The following ZNF677 variants were observed in gnomAD, a reference collection of about 807,000 sequenced individuals.
ZNF677 encodes the protein hypothetical protein MGC48625.
A neutral mutation model predicts 8.1 loss-of-function variants in ZNF677; 5 were observed. That is an observed-to-expected ratio of 0.62 (90% CI 0.32 to 1.29). ZNF677 has a LOEUF of 1.29. ZNF677 is among the 50% of genes most tolerant of loss of function. ZNF677 has a pLI of 0.05. For missense variants in ZNF677, 685 were observed against 685.9 expected (o/e 1.00, Z 0.01); for synonymous variants, 221 against 225.6 (o/e 0.98, Z 0.18).
At position 53,253,785 on chromosome 19, in the gene ZNF677, T is replaced by A. The variant is rs929098764; in HGVS notation, c.-126-629A>T. Reference sequence around the variant, plus strand: ...GAGAAAATACTTTGAAAATTTTTTTTAAATCCAATAAATTATGGAATTACA... The same window carrying A: ...GAGAAAATACTTTGAAAATTTTTTTAAAATCCAATAAATTATGGAATTACA... On this transcript the variant is annotated intron_variant, in intron 1 of 4. Transcript: ENST00000598513. 9.2e-5 allele frequency among the ~76,000 whole-genome samples: 14 copies of A among 152,230 alleles called. No individual in the cohort carries two copies. In the East Asian group the frequency reaches 1.9e-3, roughly 21 times the overall value.
Position 53,238,392 on chromosome 19 carries a change from T to C in ZNF677, c.335A>G (p.Tyr112Cys), listed in dbSNP as rs1218972084. The C allele has an allele frequency of 1.9e-6, 3 of 1,613,908 alleles. No individual in the cohort carries two copies. The highest frequency in any genetic ancestry group is 1.1e-5 in the South Asian group (1 of 91,016). The change falls in exon 5 of 5, where the codon TAT becomes TGT. Residue 112 changes from tyrosine to cysteine, a missense_variant. Tyr to Cys is a radical substitution (Grantham distance 194, BLOSUM62 -2). Transcript: ENST00000598513. ...NMPKFDSLWD[Y>C]DVKNYKGMPL... is the part of the protein sequence containing the mutation. ...CATTCCTTTGTAATTTTTTACATCA[T>C]AGTCCCACAGGCTGTCAAACTTAGG...
intron 3 of ZNF677, among the ~76,000 whole-genome samples, chr19:53,247,285 A>G (rs1043677497): frequency 6.6e-6 from 1 of 152,164 alleles, no homozygotes; most frequent in Non-Finnish European, 1.5e-5. Context: ...AGTTTACAGC[A>G]GCAGTGTCCA....
In ZNF677 at chr19:53,237,417, C is replaced by G. The variant is rs2090983371; in HGVS notation, c.1310G>C (p.Gly437Ala). ...ACTTGAACTTTGGATAAAAGCCCTG[C>G]CACACACATTACATTTGTGTGGTTT... ...GEKPHKCNVC[G>A]RAFIQSSSLV... The change falls in exon 5 of 5, where the codon GGC (glycine) becomes GCC (alanine). Residue 437 changes from glycine to alanine, a missense_variant. Transcript: ENST00000598513. 6.2e-7 allele frequency: 1 copy of G among 1,613,886 alleles called. No homozygotes were observed. Among genetic ancestry groups the G allele is most frequent in the African/African-American group, 1.3e-5 (1 of 74,886 alleles).
intron 3 of ZNF677, among the ~76,000 whole-genome samples, chr19:53,245,869 A>G (rs11084228): frequency 0.38 from 57,173 of 151,702 alleles, 11,931 homozygotes; most frequent in East Asian, 0.75. Context: ...AAAATTAGCC[A>G]GACGTGGTGG....
intron 4 of ZNF677, chr19:53,242,081 G>C: frequency 2.5e-6 from 1 of 394,248 alleles, no homozygotes. Flanking sequence ...ACAGGCATGC[G>C]CCAACACACC....
intron 1 of ZNF677, 180 bp downstream of exon 1, chr19:53,254,654 G>C (rs2091287156): frequency 6.6e-6 from 1 of 152,354 alleles, no homozygotes; most frequent in South Asian, 2.1e-4. Context: ...AATCCGAAAT[G>C]GACGCAGATC....
intron 4 of ZNF677, chr19:53,242,757 C>T (rs1286606711): frequency 3.9e-5 from 8 of 206,332 alleles, no homozygotes; most frequent in Non-Finnish European, 6.7e-5. Context: ...ACAAAGGCCC[C>T]AGCTCTGATC....
chr19:53,248,290 T>C (rs1434974473), intron 3 of ZNF677, among the ~76,000 whole-genome samples: 1 of 152,232 alleles, frequency 6.6e-6, no homozygotes, highest in Admixed American at 6.5e-5. Flanking sequence ...ATGCATTTTA[T>C]AGCCAGTAAC....
At chr19:53,247,447 T>G (rs2091164003) in intron 3 of ZNF677, among the ~76,000 whole-genome samples, 1 of 152,166 alleles carries the variant, frequency 6.6e-6, no homozygotes, top group Admixed American at 6.5e-5. Flanking sequence ...ATTTGTGTTG[T>G]GTCACATTCA....
rs200163538 is a variant in ZNF677, at chr19:53,236,966, C to T, written c.*6G>A. On this transcript the variant is annotated 3_prime_UTR_variant, in exon 5 of 5. Transcript: ENST00000598513. ...ATGGTTTCTTTTCACAATGGAGCCC[C>T]TGATGCTAGGTACAGCTTGAATACT... 1,153 of 1,529,758 alleles carry T rather than the reference C, an allele frequency of 7.5e-4. 10 individuals carry two copies. In the African/African-American group the frequency reaches 0.014, roughly 19 times the overall value. The allele number at this position is 1,529,758 out of a possible 1,614,324, so 94.8% of individuals were successfully genotyped here.
Position 53,237,776 on chromosome 19 carries a change from T to G in ZNF677, c.951A>C (p.Lys317Asn). ...TRHQRVHTGE[K>N]PYQCNICGKV... ...TGCCACATATATTACATTGATATGGTTTCTCTCCTGTATGGACTCTCTGAT... is the reference window on the plus strand; with the variant it reads ...TGCCACATATATTACATTGATATGGGTTCTCTCCTGTATGGACTCTCTGAT... The change falls in exon 5 of 5, where the codon AAA becomes AAC. Residue 317 changes from lysine (K) to asparagine (N), a missense_variant. Coordinates refer to ENST00000598513, the MANE Select transcript of ZNF677 (RefSeq NM_182609.4). 6.2e-7 allele frequency: 1 copy of G among 1,613,590 alleles called. No individual in the cohort carries two copies.
chr19:53,238,866 C>T (rs1041877845), intron 4 of ZNF677: 7 of 193,896 alleles, frequency 3.6e-5, no homozygotes, highest in Admixed American at 5.3e-5. Flanking sequence ...CCAAGGAACA[C>T]GTAAATTGGC....
At chr19:53,241,472 T>G (rs1051279098) in intron 4 of ZNF677, 16 of 198,026 alleles carry the variant, frequency 8.1e-5, no homozygotes, top group African/African-American at 3.5e-4. Context: ...ACGTATGGGA[T>G]GAATAATGTG....
intron 3 of ZNF677, among the ~76,000 whole-genome samples, chr19:53,248,503 T>C (rs1040228365): frequency 2.6e-5 from 4 of 152,224 alleles, no homozygotes; most frequent in African/African-American, 9.6e-5. Context: ...GTAAGTCCAC[T>C]AATGCAAACT....
At chr19:53,241,832 T>C in intron 4 of ZNF677, 1 of 398,644 alleles carries the variant, frequency 2.5e-6, no homozygotes, top group Non-Finnish European at 4.4e-6. Flanking sequence ...GGAAACCTCT[T>C]CCATGGGAGA....
intron 4 of ZNF677, chr19:53,242,777 T>C (rs1347456519): frequency 5.3e-6 from 1 of 187,218 alleles, no homozygotes; most frequent in African/African-American, 2.3e-5. Context: ...CTGTATAGAC[T>C]GAAAACCACA....
intron 4 of ZNF677, chr19:53,242,487 AGGATCTCT>A (rs2091068578): frequency 2.5e-6 from 1 of 398,342 alleles, no homozygotes; most frequent in South Asian, 1.3e-4. Flanking sequence ...AATCAAAAAG[AGGATCTCT>A]CTGTCAAGTC....
At chr19:53,252,224 A>G (rs2091246414) in intron 2 of ZNF677, among the ~76,000 whole-genome samples, 1 of 152,216 alleles carries the variant, frequency 6.6e-6, no homozygotes, top group Non-Finnish European at 1.5e-5. Context: ...ATTTAAGACT[A>G]ACTGTAACTG....
At chr19:53,246,317 CA>C (rs59756987) in intron 3 of ZNF677, among the ~76,000 whole-genome samples, 4 of 122,174 alleles carry the variant, frequency 3.3e-5, no homozygotes, top group Admixed American at 8.5e-5. Context: ...GACTCCGTCC[CA>C]AAAAAAAAGC....
Sources: gnomAD v4.1 joint callset for allele counts (sites outside exome capture counted in the v4.1 genomes callset) on GRCh38, gnomAD v4.1.1 for gene constraint, MANE v1.5 for transcripts, NCBI Gene and HGNC (gene_info 2026-07-23, HGNC 2026-07-21) for gene names.